The following ITPKB variants were observed in gnomAD, a reference collection of about 807,000 sequenced individuals.
ITPKB encodes the protein IP3 3-kinase B.
In ITPKB, 13 loss-of-function variants were observed where a neutral mutation model predicts 69.4. That is an observed-to-expected ratio of 0.19 (90% CI 0.12 to 0.30). ITPKB has a LOEUF of 0.30. ITPKB is among the 10% of genes least tolerant of loss of function. The probability of loss-of-function intolerance (pLI) is 1.00; values close to 1 mark genes in which losing one functional copy is unlikely to be tolerated. For synonymous variants in ITPKB, 584 were observed against 513.7 expected, an observed-to-expected ratio of 1.14 and a Z score of -1.85; for missense variants, 1,240 against 1,250.5, an observed-to-expected ratio of 0.99 and a Z score of 0.13.
Position 226,633,063 on chromosome 1 carries a change from C to T in ITPKB, c.*1608G>A, listed in dbSNP as rs1391122229. On this transcript the variant is annotated 3_prime_UTR_variant, in exon 8 of 8. Transcript: ENST00000429204. ...GCAAGTCGGCCCACACAGGAGCTCA[C>T]CACTGTTTTAAACAAGAGCCAGGAA... 1 of 152,222 alleles carries T rather than the reference C, an allele frequency of 6.6e-6. No individual in the cohort carries two copies. The highest frequency in any genetic ancestry group is 1.9e-4 in the East Asian group (1 of 5,198). 9.4% of individuals were successfully genotyped at this position (152,222 alleles called of 1,614,324 possible). A position where few individuals can be genotyped will look rare whatever the true frequency, so the allele number is the denominator to read the frequency against.
At chr1:226,681,062 T>C (rs577634436) in intron 2 of ITPKB, among the ~76,000 whole-genome samples, 1 of 152,330 alleles carries the variant, frequency 6.6e-6, no homozygotes. Flanking sequence ...GCAAAAATTA[T>C]TCATGCCATC....
chr1:226,663,390 C>T (rs1456439315), intron 2 of ITPKB, among the ~76,000 whole-genome samples: 1 of 152,198 alleles, frequency 6.6e-6, no homozygotes, highest in Non-Finnish European at 1.5e-5. Flanking sequence ...CAAACTCCTA[C>T]CCTGGAAGCC....
chr1:226,675,001 C>T (rs1166977430), intron 2 of ITPKB: 2 of 152,124 alleles, frequency 1.3e-5, no homozygotes, highest in South Asian at 2.1e-4. Flanking sequence ...GGTGACTCCA[C>T]GAGAACTGCG....
chr1:226,658,056 A>G (rs192144731), intron 2 of ITPKB, among the ~76,000 whole-genome samples: 1 of 152,206 alleles, frequency 6.6e-6, no homozygotes, highest in Admixed American at 6.5e-5. Context: ...GCCAGGGGAG[A>G]ATTTGTTCTG....
intron 2 of ITPKB, among the ~76,000 whole-genome samples, chr1:226,716,652 C>A (rs1278196001): frequency 6.6e-6 from 1 of 152,176 alleles, no homozygotes; most frequent in Non-Finnish European, 1.5e-5. Flanking sequence ...AGCATCAAAC[C>A]TAGGTTTTCA....
chr1:226,705,484 G>A (rs974274181), intron 2 of ITPKB, among the ~76,000 whole-genome samples: 14 of 147,748 alleles, frequency 9.5e-5, no homozygotes, highest in Non-Finnish European at 1.0e-4. Context: ...AGCCAAGATC[G>A]CACCATTGCA....
intron 2 of ITPKB, among the ~76,000 whole-genome samples, chr1:226,729,081 G>A (rs1013996700): frequency 6.6e-6 from 1 of 152,172 alleles, no homozygotes; most frequent in Non-Finnish European, 1.5e-5. Flanking sequence ...AGGCGAGTAA[G>A]GAGCTTATCC....
At chr1:226,643,428 G>A (rs1172875094) in intron 4 of ITPKB, among the ~76,000 whole-genome samples, 1 of 152,198 alleles carries the variant, frequency 6.6e-6, no homozygotes, top group Non-Finnish European at 1.5e-5. Flanking sequence ...GCAGGATGGG[G>A]AAGTTTTCTC....
intron 2 of ITPKB, among the ~76,000 whole-genome samples, chr1:226,702,233 T>C (rs998895267): frequency 2.0e-5 from 3 of 151,708 alleles, no homozygotes; most frequent in Admixed American, 1.3e-4. Flanking sequence ...CCGTCTCTAC[T>C]AAAAAATACA....
Position 226,737,653 on chromosome 1 carries a change from C to G in ITPKB, c.-195G>C, listed in dbSNP as rs922629661. On this transcript the variant is annotated 5_prime_UTR_variant, in exon 2 of 8. Transcript: ENST00000429204. ...CAGCCCCCGCCCAAAGCTCCATAAA[C>G]AACCGTGCGGCTGTGGAGATACAAG... 9.3e-7 allele frequency: 1 copy of G among 1,079,118 alleles called. No individual in the cohort carries two copies. 66.8% of individuals were successfully genotyped at this position (1,079,118 alleles called of 1,614,324 possible).
At chr1:226,662,459 A>G (rs887597113) in intron 2 of ITPKB, among the ~76,000 whole-genome samples, 2 of 152,216 alleles carry the variant, frequency 1.3e-5, no homozygotes, top group Non-Finnish European at 2.9e-5. Context: ...TTCAGGTTAT[A>G]CATTTTAAAA....
In ITPKB at chr1:226,680,105, C is replaced by A. The variant is rs558541591; in HGVS notation, c.1933-31334G>T. ...TGTGAGAGCAGGGTCAACTCTCCAGCGGCCTCAGATGGCCTCAAACTAAGC... is the reference window on the plus strand; with the variant it reads ...TGTGAGAGCAGGGTCAACTCTCCAGAGGCCTCAGATGGCCTCAAACTAAGC... On this transcript the variant is annotated intron_variant, in intron 2 of 7. Transcript: ENST00000429204. Among the ~76,000 whole-genome samples, 80 of 152,240 alleles carry A rather than the reference C, an allele frequency of 5.3e-4. 1 individual carries two copies. The highest frequency in any genetic ancestry group is 1.1e-3 in the Non-Finnish European group (72 of 68,042).
chr1:226,735,430 A>C, intron 2 of ITPKB, 97 bp downstream of exon 2: 1 of 1,337,220 alleles, frequency 7.5e-7, no homozygotes. Context: ...CTGAGTTTTC[A>C]TGACTGTGTA....
intron 2 of ITPKB, among the ~76,000 whole-genome samples, chr1:226,692,098 A>G (rs1466093678): frequency 6.6e-6 from 1 of 152,230 alleles, no homozygotes; most frequent in Non-Finnish European, 1.5e-5. Flanking sequence ...AGAGCCTTCA[A>G]AACCCTGTAA....
At chr1:226,693,884 C>A (rs1656416398) in intron 2 of ITPKB, among the ~76,000 whole-genome samples, 1 of 152,218 alleles carries the variant, frequency 6.6e-6, no homozygotes, top group South Asian at 2.1e-4. Flanking sequence ...GCGGCCCTAC[C>A]CACAATGGGT....
At chr1:226,700,908 T>C (rs1656621842) in intron 2 of ITPKB, among the ~76,000 whole-genome samples, 1 of 152,244 alleles carries the variant, frequency 6.6e-6, no homozygotes, top group Non-Finnish European at 1.5e-5. Flanking sequence ...TTTTTCTGGA[T>C]CTGGGTTTGT....
rs938839791 is a variant in ITPKB, at chr1:226,634,607, C to T, written c.*64G>A. 3.1e-5 allele frequency: 22 copies of T among 715,184 alleles called. No individual in the cohort carries two copies. Among genetic ancestry groups the T allele is most frequent in the Admixed American group, 2.7e-4 (14 of 52,294 alleles). The allele number at this position is 715,184 out of a possible 1,614,324, so 44.3% of individuals were successfully genotyped here. On this transcript the variant is annotated 3_prime_UTR_variant, in exon 8 of 8. Coordinates refer to ENST00000429204, the MANE Select transcript of ITPKB (RefSeq NM_002221.4). The surrounding 1 kb of genome is among the most constrained non-coding windows in gnomAD (Gnocchi z 6.3). ...GTGTAAGTGAAGGAAAAGTTAGGAA[C>T]GAGAAAGGAAGCACAGGAGGAGGAA...
At chr1:226,659,402 C>T (rs1013173667) in intron 2 of ITPKB, among the ~76,000 whole-genome samples, 7 of 152,060 alleles carry the variant, frequency 4.6e-5, no homozygotes, top group African/African-American at 1.4e-4. Flanking sequence ...CCCCCAGATA[C>T]GGCCCCACAC....
At chr1:226,711,405 A>AAGAGAGAGAGAGAGAGAGAGAG (rs59479705) in intron 2 of ITPKB, among the ~76,000 whole-genome samples, 1 of 129,788 alleles carries the variant, frequency 7.7e-6, no homozygotes, top group African/African-American at 2.9e-5. Flanking sequence ...GGTGTTTTGA[A>AAGAGAGAGAGAGAGAGAGAGAG]AGAGAGAGAG....
Sources: gnomAD v4.1 joint callset for allele counts (sites outside exome capture counted in the v4.1 genomes callset) on GRCh38, gnomAD v4.1.1 for gene constraint, Gnocchi (gnomAD v3.1) non-coding constraint, MANE v1.5 for transcripts, NCBI Gene and HGNC (gene_info 2026-07-23, HGNC 2026-07-21) for gene names.